MAML2: variants seen among roughly 807,000 people sequenced by gnomAD.
The protein encoded by MAML2 is mastermind like transcriptional coactivator 2, also known as mastermind-like protein 2.
MAML2 carries 22 observed loss-of-function variants against 96.1 expected under a neutral mutation model. The observed-to-expected ratio is 0.23, with a 90% CI of 0.16 to 0.33. MAML2 has a LOEUF of 0.33. Ranked by LOEUF, MAML2 falls within the 10% of genes least tolerant of loss-of-function variation. The pLI is 1.00. For missense variants in MAML2, 1,367 were observed against 1,392.4 expected, an observed-to-expected ratio of 0.98 and a Z score of 0.29; for synonymous variants, 561 against 521.3, an observed-to-expected ratio of 1.08 and a Z score of -1.04.
At chr11:96,132,975 A>G (rs1860569820) in intron 1 of MAML2, among the ~76,000 whole-genome samples, 1 of 152,198 alleles carries the variant, frequency 6.6e-6, no homozygotes, top group African/African-American at 2.4e-5. Context: ...ATGCTTATGG[A>G]TACAATATTA....
At chr11:96,074,802 A>G (rs1382108759) in intron 2 of MAML2, among the ~76,000 whole-genome samples, 1 of 152,234 alleles carries the variant, frequency 6.6e-6, no homozygotes, top group Non-Finnish European at 1.5e-5. Context: ...TGGCTCTCTA[A>G]TCGCATCAGC....
chr11:96,125,122 C>T (rs1251481735), intron 1 of MAML2, among the ~76,000 whole-genome samples: 1 of 152,070 alleles, frequency 6.6e-6, no homozygotes, highest in African/African-American at 2.4e-5. Flanking sequence ...CTGGCTTTTC[C>T]TAAGGGAGTT....
In MAML2 at chr11:96,170,846, CT is replaced by C. The variant is rs555833535; in HGVS notation, c.514-77330del. Among the ~76,000 whole-genome samples, 104 of 152,288 alleles carry C rather than the reference CT, an allele frequency of 6.8e-4. 2 individuals carry two copies. In the East Asian group the frequency reaches 0.019, roughly 28 times the overall value. ...TCTCCTGCCTCAGCCTCCCGAGTAGCTGGGACTACAGGTGACCGCCACCACA... is the reference window on the plus strand; with the variant it reads ...TCTCCTGCCTCAGCCTCCCGAGTAGCGGGACTACAGGTGACCGCCACCACA... On this transcript the variant is annotated intron_variant, in intron 1 of 4. Transcript: ENST00000524717.
intron 2 of MAML2, among the ~76,000 whole-genome samples, chr11:96,086,661 G>A (rs1346076396): frequency 6.6e-6 from 1 of 152,130 alleles, no homozygotes. Context: ...TTTGATCTCA[G>A]GTGTAGCATC....
chr11:96,091,970 C>G lies in MAML2; in HGVS notation c.2061G>C (p.Gln687His), dbSNP rs186202615. 1 of 1,607,990 alleles carries G rather than the reference C, an allele frequency of 6.2e-7. No homozygotes were observed. The highest frequency in any genetic ancestry group is 1.7e-5 in the Admixed American group (1 of 59,088). ...GCATTTGCTGAAGTAGGAGCTTTTG[C>G]TGAAGTGGCAAAGGTGACCTTAGCA... ...QPLLRSPLPLQQKLLLQQMQN... is the reference protein window; with the variant it reads ...QPLLRSPLPLHQKLLLQQMQN... The change falls in exon 2 of 5, where the codon CAG (glutamine) becomes CAC (histidine). Residue 687 changes from glutamine to histidine, a missense_variant. Gln to His is a conservative substitution (Grantham distance 24, BLOSUM62 0). Coordinates refer to ENST00000524717, the MANE Select transcript of MAML2 (RefSeq NM_032427.4).
intron 1 of MAML2, among the ~76,000 whole-genome samples, chr11:96,188,121 AC>A (rs1389894371): frequency 2.0e-5 from 3 of 152,236 alleles, no homozygotes; most frequent in African/African-American, 4.8e-5. Flanking sequence ...AACAGACCTC[AC>A]TTGTATGAGA....
intron 1 of MAML2, among the ~76,000 whole-genome samples, chr11:96,313,333 TG>T (rs1463964107): frequency 6.6e-6 from 1 of 152,180 alleles, no homozygotes; most frequent in Non-Finnish European, 1.5e-5. Context: ...ATCTCAGAAC[TG>T]GGGTGGACGC....
At chr11:96,302,907 C>G (rs944798398) in intron 1 of MAML2, among the ~76,000 whole-genome samples, 4 of 152,140 alleles carry the variant, frequency 2.6e-5, no homozygotes, top group Non-Finnish European at 2.9e-5. Context: ...ACACATGGAT[C>G]ATTTCAAGGG....
chr11:96,003,695 G>A (rs1274124268), intron 2 of MAML2, among the ~76,000 whole-genome samples: 2 of 152,090 alleles, frequency 1.3e-5, no homozygotes, highest in Non-Finnish European at 2.9e-5. Flanking sequence ...ATAGCATAAA[G>A]TAAGTGAAGT....
At chr11:96,057,426 CA>C (rs1446063961) in intron 2 of MAML2, among the ~76,000 whole-genome samples, 1 of 152,174 alleles carries the variant, frequency 6.6e-6, no homozygotes, top group African/African-American at 2.4e-5. Context: ...TTCATACATC[CA>C]GGCATCTATC....
intron 1 of MAML2, among the ~76,000 whole-genome samples, chr11:96,220,349 C>A (rs1862116692): frequency 1.3e-5 from 2 of 152,146 alleles, no homozygotes; most frequent in South Asian, 4.1e-4. Flanking sequence ...ATGTGAGAAG[C>A]AGGAAAATTT....
At chr11:96,264,991 G>A (rs1862806537) in intron 1 of MAML2, among the ~76,000 whole-genome samples, 1 of 152,162 alleles carries the variant, frequency 6.6e-6, no homozygotes, top group Non-Finnish European at 1.5e-5. Context: ...AGACGGTCAG[G>A]AATTACCAAT....
At chr11:96,085,794 G>A (rs1859600557) in intron 2 of MAML2, among the ~76,000 whole-genome samples, 1 of 147,680 alleles carries the variant, frequency 6.8e-6, no homozygotes, top group African/African-American at 2.5e-5. Flanking sequence ...TATGTATTAT[G>A]ATCCCAAGGC....
At chr11:96,022,234 C>G (rs1386428986) in intron 2 of MAML2, among the ~76,000 whole-genome samples, 1 of 152,220 alleles carries the variant, frequency 6.6e-6, no homozygotes, top group Non-Finnish European at 1.5e-5. Flanking sequence ...GTGCTGTATT[C>G]TGTCTGCCAC....
intron 2 of MAML2, among the ~76,000 whole-genome samples, chr11:96,017,890 T>G (rs1212578313): frequency 6.6e-6 from 1 of 152,224 alleles, no homozygotes; most frequent in African/African-American, 2.4e-5. Context: ...GTCAGAACTT[T>G]AGCTTTTACT....
chr11:96,121,630 T>C (rs1178369384), intron 1 of MAML2, among the ~76,000 whole-genome samples: 1 of 151,868 alleles, frequency 6.6e-6, no homozygotes, highest in African/African-American at 2.4e-5. Flanking sequence ...TTGTTCTGAT[T>C]AATGGGCTAG....
At chr11:96,294,030 G>A (rs1441580440) in intron 1 of MAML2, among the ~76,000 whole-genome samples, 1 of 152,160 alleles carries the variant, frequency 6.6e-6, no homozygotes, top group African/African-American at 2.4e-5. Flanking sequence ...AAATTATTCT[G>A]GAGAGAGGCC....
intron 1 of MAML2, among the ~76,000 whole-genome samples, chr11:96,218,110 G>A (rs141494295): frequency 2.4e-4 from 36 of 152,234 alleles, no homozygotes; most frequent in East Asian, 2.1e-3. Flanking sequence ...TGCTTTCTGC[G>A]TCGAGGTACT....
chr11:96,168,199 T>C (rs1053300575), intron 1 of MAML2, among the ~76,000 whole-genome samples: 7 of 152,304 alleles, frequency 4.6e-5, no homozygotes, highest in Non-Finnish European at 8.8e-5. Flanking sequence ...ATAACAGTAG[T>C]AACTATAAAG....
Sources: allele counts gnomAD v4.1 joint callset (sites outside exome capture counted in the v4.1 genomes callset), GRCh38; gene constraint gnomAD v4.1.1; transcripts MANE v1.5; gene names NCBI Gene and HGNC (gene_info 2026-07-23, HGNC 2026-07-21).